Variants in ZNF609 observed in about 807,000 individuals in gnomAD.
The protein encoded by ZNF609 is zinc finger protein 609.
ZNF609 carries 11 observed loss-of-function variants against 109.5 expected under a neutral mutation model. The ratio of observed to expected loss-of-function variants is 0.10; its 90% CI spans 0.06 to 0.17. ZNF609 has a LOEUF of 0.17. Ranked by LOEUF, ZNF609 falls within the 10% of genes least tolerant of loss-of-function variation. The pLI, the probability that ZNF609 is intolerant of heterozygous loss-of-function variation, is 1.00. For missense variants in ZNF609, 1,559 were observed against 1,772.4 expected (o/e 0.88, Z 2.16); for synonymous variants, 646 against 662.0 (o/e 0.98, Z 0.37).
chr15:64,510,102 C>T (rs1396590202), intron 2 of ZNF609, among the ~76,000 whole-genome samples: 1 of 152,096 alleles, frequency 6.6e-6, no homozygotes, highest in Non-Finnish European at 1.5e-5. Flanking sequence ...TATCATCTCA[C>T]ATCATCACAA....
chr15:64,592,291 A>G (rs949419011), intron 2 of ZNF609, among the ~76,000 whole-genome samples: 2 of 152,110 alleles, frequency 1.3e-5, no homozygotes, highest in African/African-American at 4.8e-5. Flanking sequence ...AAATAATTCT[A>G]TTCAGCTGGG....
intron 1 of ZNF609, among the ~76,000 whole-genome samples, chr15:64,463,416 A>T (rs74568398): frequency 6.6e-6 from 1 of 150,854 alleles, no homozygotes; most frequent in African/African-American, 2.5e-5. Flanking sequence ...AAAAAAAAAA[A>T]ATTTGGGGCC....
chr15:64,537,547 C>T (rs1219702176), intron 2 of ZNF609, among the ~76,000 whole-genome samples: 1 of 149,280 alleles, frequency 6.7e-6, no homozygotes, highest in Non-Finnish European at 1.5e-5. Context: ...AGTGAGACTC[C>T]ATCAAAAAAA....
At chr15:64,573,342 C>CTT (rs1156864847) in intron 2 of ZNF609, among the ~76,000 whole-genome samples, 9 of 53,676 alleles carry the variant, frequency 1.7e-4, no homozygotes, top group East Asian at 8.2e-4. Context: ...AGTGGCCCAA[C>CTT]TTTCTTTTTT....
chr15:64,535,225 T>A (rs904715686), intron 2 of ZNF609, among the ~76,000 whole-genome samples: 2 of 152,114 alleles, frequency 1.3e-5, no homozygotes, highest in African/African-American at 4.8e-5. Flanking sequence ...ATTTTTAAAA[T>A]TTTTTGTAGA....
intron 2 of ZNF609, among the ~76,000 whole-genome samples, chr15:64,621,665 T>C (rs1242349321): frequency 1.3e-5 from 2 of 152,122 alleles, no homozygotes; most frequent in African/African-American, 2.4e-5. Context: ...CCATCACAAC[T>C]TTTATGTTGT....
Position 64,674,568 on chromosome 15 carries a change from G to A in ZNF609, c.1714G>A (p.Val572Ile), listed in dbSNP as rs771573878. The A allele has an allele frequency of 6.2e-7, 1 of 1,614,132 alleles. No individual in the cohort carries two copies. Reference protein sequence around the residue: ...ARSATPKVRLVEPHSPSPSSK... With the variant: ...ARSATPKVRLIEPHSPSPSSK... ...CTCAGCTACCCCCAAAGTTCGACTT[G>A]TAGAGCCCCATAGCCCTTCTCCTTC... is the stretch of plus-strand genomic sequence containing the variant. Residue 572 changes from valine (V) to isoleucine (I), a missense_variant, in exon 5 of 10, where the codon GTA (valine) becomes ATA (isoleucine). Val to Ile is a conservative substitution (Grantham distance 29). This residue lies in a region of ZNF609 where 1,204 missense variants were observed against 1,314.1 expected (regional missense o/e 0.92). Transcript: ENST00000326648.
chr15:64,480,851 A>G (rs1596378502), intron 1 of ZNF609, among the ~76,000 whole-genome samples: 1 of 152,246 alleles, frequency 6.6e-6, no homozygotes. Flanking sequence ...AGATAGTAAT[A>G]GAAGGTTTAT....
At chr15:64,604,508 C>T (rs1224141747) in intron 2 of ZNF609, among the ~76,000 whole-genome samples, 2 of 152,164 alleles carry the variant, frequency 1.3e-5, no homozygotes, top group Non-Finnish European at 1.5e-5. Flanking sequence ...TGTTTGTCAG[C>T]TAGGATAGAG....
chr15:64,642,215 G>T (rs564555574), intron 3 of ZNF609, among the ~76,000 whole-genome samples: 1 of 151,996 alleles, frequency 6.6e-6, no homozygotes, highest in Non-Finnish European at 1.5e-5. Context: ...ACAGAGTCTC[G>T]TTCTGTCACC....
intron 2 of ZNF609, among the ~76,000 whole-genome samples, chr15:64,606,735 G>A (rs886942584): frequency 2.0e-5 from 3 of 152,020 alleles, no homozygotes; most frequent in African/African-American, 4.8e-5. Context: ...AGTTTAAAAC[G>A]GTTACATCAG....
At chr15:64,678,533 G>A in intron 6 of ZNF609, 51 bp downstream of exon 6, 1 of 1,517,390 alleles carries the variant, frequency 6.6e-7, no homozygotes, top group Non-Finnish European at 8.8e-7. Flanking sequence ...GGGGAATGAA[G>A]CACAGATTTC....
In ZNF609 at chr15:64,684,545, A is replaced by G. The variant is rs1169432670; in HGVS notation, c.*2859A>G. 1 of 152,404 alleles carries G rather than the reference A, an allele frequency of 6.6e-6. No homozygotes were observed. Among genetic ancestry groups the G allele is most frequent in the East Asian group, 1.9e-4 (1 of 5,196 alleles). 9.4% of individuals were successfully genotyped at this position (152,404 alleles called of 1,614,324 possible). A position where few individuals can be genotyped will look rare whatever the true frequency, so the allele number is the denominator to read the frequency against. On this transcript the variant is annotated 3_prime_UTR_variant, in exon 10 of 10. Transcript: ENST00000326648. ...CCCTTTTCCTGCCTTGTACATGTACATGTATGAAATTTCCTTCTCTTACCG... is the reference window on the plus strand; with the variant it reads ...CCCTTTTCCTGCCTTGTACATGTACGTGTATGAAATTTCCTTCTCTTACCG...
intron 2 of ZNF609, among the ~76,000 whole-genome samples, chr15:64,615,344 T>C (rs1016933160): frequency 4.0e-5 from 6 of 151,106 alleles, no homozygotes; most frequent in African/African-American, 1.5e-4. Flanking sequence ...GATCTCTCTA[T>C]GTTGCCCAGG....
intron 1 of ZNF609, among the ~76,000 whole-genome samples, chr15:64,468,162 A>G (rs1365075279): frequency 6.6e-6 from 1 of 151,850 alleles, no homozygotes; most frequent in African/African-American, 2.4e-5. Flanking sequence ...AAGTACAGGC[A>G]GGCGCCACCA....
At chr15:64,561,653 C>T (rs1346980754) in intron 2 of ZNF609, among the ~76,000 whole-genome samples, 1 of 151,364 alleles carries the variant, frequency 6.6e-6, no homozygotes, top group East Asian at 1.9e-4. Flanking sequence ...GCCTCAGCCT[C>T]CTAAAGTGCT....
intron 3 of ZNF609, among the ~76,000 whole-genome samples, chr15:64,625,727 A>C (rs962491230): frequency 1.3e-5 from 2 of 150,728 alleles, no homozygotes; most frequent in African/African-American, 2.4e-5. Flanking sequence ...TGTCTCTACT[A>C]AAAATACAAA....
chr15:64,504,522 A>G (rs1336554046), intron 2 of ZNF609, among the ~76,000 whole-genome samples: 2 of 152,112 alleles, frequency 1.3e-5, no homozygotes, highest in African/African-American at 4.8e-5. Context: ...CCCAGGCTGG[A>G]GTGCAGTGGC....
At chr15:64,521,050 GA>G (rs141240237) in intron 2 of ZNF609, among the ~76,000 whole-genome samples, 6,217 of 152,238 alleles carry the variant, frequency 0.041, 187 homozygotes, top group Non-Finnish European at 0.061. Flanking sequence ...CAGGTGGGTA[GA>G]AAGTCCTTCC....
Sources: gnomAD v4.1 joint callset for allele counts (sites outside exome capture counted in the v4.1 genomes callset) on GRCh38, gnomAD v4.1.1 for gene constraint, gnomAD v4.1.1 regional missense constraint, MANE v1.5 for transcripts, NCBI Gene and HGNC (gene_info 2026-07-23, HGNC 2026-07-21) for gene names.